The following CDH12 variants were observed in gnomAD, a reference collection of about 807,000 sequenced individuals.
CDH12 encodes cadherin-12.
Under a neutral mutation model 74.1 loss-of-function variants are expected in CDH12, and 41 were observed. The observed-to-expected ratio is 0.55, with a 90% CI of 0.43 to 0.72. CDH12 has a LOEUF of 0.72. CDH12 is among the 30% of genes least tolerant of loss of function. CDH12 has a pLI of 0.00. For synonymous variants in CDH12, 399 were observed against 355.0 expected (o/e 1.12, Z -1.39); for missense variants, 945 against 977.2 (o/e 0.97, Z 0.44).
At chr5:22,493,082 C>T (rs1746954269) in intron 2 of CDH12, among the ~76,000 whole-genome samples, 1 of 152,178 alleles carries the variant, frequency 6.6e-6, no homozygotes, top group Non-Finnish European at 1.5e-5. Context: ...CCCCTCTACT[C>T]GTTTTTACTT....
At chr5:21,922,608 A>G (rs150666740) in intron 6 of CDH12, among the ~76,000 whole-genome samples, 10 of 152,284 alleles carry the variant, frequency 6.6e-5, no homozygotes, top group African/African-American at 1.4e-4. Context: ...ATTGAATAAT[A>G]TCATCTACAA....
At chr5:22,367,625 TAAG>T (rs915952087) in intron 3 of CDH12, among the ~76,000 whole-genome samples, 2 of 152,172 alleles carry the variant, frequency 1.3e-5, no homozygotes, top group Non-Finnish European at 2.9e-5. Flanking sequence ...TTAATGTACA[TAAG>T]AAGTTTCCTT....
At chr5:22,132,341 G>A (rs966240946) in intron 4 of CDH12, among the ~76,000 whole-genome samples, 2 of 151,820 alleles carry the variant, frequency 1.3e-5, no homozygotes, top group African/African-American at 4.8e-5. Flanking sequence ...GCAAACAGGG[G>A]GCCCTTGCTA....
At chr5:22,299,166 C>T (rs1737757788) in intron 3 of CDH12, among the ~76,000 whole-genome samples, 1 of 152,180 alleles carries the variant, frequency 6.6e-6, no homozygotes, top group East Asian at 1.9e-4. Flanking sequence ...GAAGTGCAAA[C>T]CTCAGGAGAG....
intron 5 of CDH12, among the ~76,000 whole-genome samples, chr5:21,995,136 G>A (rs1180090210): frequency 6.6e-6 from 1 of 151,956 alleles, no homozygotes. Context: ...AACAAACTCC[G>A]GACACACCAC....
At chr5:21,930,437 A>C (rs1754781543) in intron 6 of CDH12, among the ~76,000 whole-genome samples, 1 of 152,210 alleles carries the variant, frequency 6.6e-6, no homozygotes, top group Admixed American at 6.5e-5. Flanking sequence ...CATATTTGCC[A>C]GGGACAATCT....
chr5:21,880,504 TCCC>T (rs1463385243), intron 6 of CDH12, among the ~76,000 whole-genome samples: 11 of 7,468 alleles, frequency 1.5e-3, no homozygotes, highest in Non-Finnish European at 8.1e-3. Context: ...CCTTCCTTCC[TCCC>T]TCCCTCCCTC....
At chr5:22,560,825 A>T (rs1739016840) in intron 1 of CDH12, among the ~76,000 whole-genome samples, 1 of 152,148 alleles carries the variant, frequency 6.6e-6, no homozygotes, top group Non-Finnish European at 1.5e-5. Context: ...ACTTCTAAGG[A>T]TCAGAAAATT....
intron 12 of CDH12, among the ~76,000 whole-genome samples, chr5:21,764,267 G>C (rs907399413): frequency 6.6e-6 from 1 of 152,010 alleles, no homozygotes; most frequent in Non-Finnish European, 1.5e-5. Flanking sequence ...CCAGCTACTC[G>C]GGAGGCTGAG....
At chr5:22,334,166 T>C (rs549447455) in intron 3 of CDH12, among the ~76,000 whole-genome samples, 2 of 151,990 alleles carry the variant, frequency 1.3e-5, no homozygotes, top group East Asian at 1.9e-4. Context: ...GGCATCCAAA[T>C]TGGAAAGGAA....
chr5:22,379,394 T>A (rs1003610833), intron 3 of CDH12, among the ~76,000 whole-genome samples: 3 of 152,124 alleles, frequency 2.0e-5, no homozygotes, highest in Admixed American at 6.6e-5. Context: ...AATTTCCACA[T>A]CACAAGTACT....
At chr5:22,237,364 G>A (rs1752593860) in intron 3 of CDH12, among the ~76,000 whole-genome samples, 1 of 152,144 alleles carries the variant, frequency 6.6e-6, no homozygotes, top group African/African-American at 2.4e-5. Context: ...TTTGGTCTGA[G>A]TGTTTGTGTA....
chr5:21,848,188 T>C (rs7712017), intron 7 of CDH12, among the ~76,000 whole-genome samples: 96,167 of 151,968 alleles, frequency 0.63, 34,704 homozygotes, highest in East Asian at 0.8. Flanking sequence ...AGGGGTATTA[T>C]AGCTATTGTA....
chr5:22,646,349 T>TA (rs760812407), intron 1 of CDH12, among the ~76,000 whole-genome samples: 23 of 151,778 alleles, frequency 1.5e-4, no homozygotes, highest in Non-Finnish European at 3.1e-4. Flanking sequence ...ATAAGTGCCC[T>TA]AAAAATTAAA....
intron 1 of CDH12, among the ~76,000 whole-genome samples, chr5:22,823,235 A>G (rs7445533): frequency 0.045 from 2,259 of 50,672 alleles, 65 homozygotes; most frequent in African/African-American, 0.14. Flanking sequence ...GACTGTTGTG[A>G]GGTGGGGGGA....
rs554518842 is a variant in CDH12, at chr5:22,108,011, T to C, written c.-186-29149A>G. Among the ~76,000 whole-genome samples the C allele has an allele frequency of 2.0e-5, 3 of 152,340 alleles. No homozygotes were observed. The South Asian group carries it at 6.2e-4, about 32-fold the overall frequency. ...AGTAATAGCATGGAACTGAGCAATA[T>C]TTTTAACAAATATAATTTTTGCAAT... On this transcript the variant is annotated intron_variant, in intron 4 of 14. Transcript: ENST00000382254.
chr5:22,699,197 T>C (rs993584888), intron 1 of CDH12, among the ~76,000 whole-genome samples: 1 of 152,236 alleles, frequency 6.6e-6, no homozygotes, highest in African/African-American at 2.4e-5. Context: ...GGTTCTAACA[T>C]TGACCACTAT....
chr5:22,422,570 G>A (rs747260182), intron 2 of CDH12, among the ~76,000 whole-genome samples: 7 of 151,968 alleles, frequency 4.6e-5, no homozygotes, highest in Non-Finnish European at 1.0e-4. Context: ...TGCATGATAC[G>A]ATATCAACAA....
chr5:22,280,991 C>T (rs1002468796), intron 3 of CDH12, among the ~76,000 whole-genome samples: 4 of 152,104 alleles, frequency 2.6e-5, no homozygotes, highest in Non-Finnish European at 4.4e-5. Context: ...ACTGGCAAAC[C>T]GAATCCAGCA....
Sources: gnomAD v4.1 joint callset for allele counts (sites outside exome capture counted in the v4.1 genomes callset) on GRCh38, gnomAD v4.1.1 for gene constraint, MANE v1.5 for transcripts, NCBI Gene and HGNC (gene_info 2026-07-23, HGNC 2026-07-21) for gene names.